The following ITGB5 variants were observed in gnomAD, a reference collection of about 807,000 sequenced individuals.
The protein encoded by ITGB5 is integrin subunit beta 5.
In ITGB5, 38 loss-of-function variants were observed where a neutral mutation model predicts 84.8. That is an observed-to-expected ratio of 0.45 (90% CI 0.35 to 0.59). ITGB5 has a LOEUF of 0.59. Among genes scored for constraint, ITGB5 ranks in the 20% least tolerant of loss-of-function variants. ITGB5 has a pLI of 0.01. For missense variants in ITGB5, 905 were observed against 1,034.5 expected (o/e 0.87, Z 1.72); for synonymous variants, 393 against 414.4 (o/e 0.95, Z 0.63).
intron 8 of ITGB5, among the ~76,000 whole-genome samples, chr3:124,816,136 AAAC>A (rs1158709523): frequency 6.6e-6 from 1 of 152,174 alleles, no homozygotes; most frequent in Non-Finnish European, 1.5e-5. Context: ...AAGGGGGTAA[AAAC>A]AAGCCAAAAA....
At position 124,799,781 on chromosome 3, in the gene ITGB5, G is replaced by T. The variant is rs115620902; in HGVS notation, c.1264-2964C>A. Among the ~76,000 whole-genome samples, 975 of 152,230 alleles carry T rather than the reference G, an allele frequency of 6.4e-3. 2 individuals carry two copies. The highest frequency in any genetic ancestry group is 9.9e-3 in the Non-Finnish European group (673 of 68,010). On this transcript the variant is annotated intron_variant, in intron 9 of 14. Coordinates refer to ENST00000296181, the MANE Select transcript of ITGB5 (RefSeq NM_002213.5). The stretch of plus-strand genomic sequence containing the variant: ...GGGCCAGGCCTAGAGCAGGGCCCGC[G>T]CTCTCCTTAGCATATCCACCTCCTA...
chr3:124,882,426 G>A (rs1034825818), intron 1 of ITGB5, among the ~76,000 whole-genome samples: 4 of 152,198 alleles, frequency 2.6e-5, no homozygotes, highest in African/African-American at 9.7e-5. Context: ...GGAGATGCTA[G>A]AAAAAGGGTT....
chr3:124,847,373 G>A (rs2065091917), intron 4 of ITGB5, among the ~76,000 whole-genome samples: 1 of 152,214 alleles, frequency 6.6e-6, no homozygotes, highest in African/African-American at 2.4e-5. Flanking sequence ...ATGGGCTGAA[G>A]AATGCAATCC....
At chr3:124,863,419 G>C (rs1292861525) in intron 2 of ITGB5, 1 of 152,252 alleles carries the variant, frequency 6.6e-6, no homozygotes, top group African/African-American at 2.4e-5. Flanking sequence ...ATAGGTTCTT[G>C]TTGCCCAAGA....
chr3:124,796,239 G>T, intron 10 of ITGB5, 149 bp downstream of exon 10: 2 of 734,188 alleles, frequency 2.7e-6, no homozygotes, highest in Non-Finnish European at 2.3e-6. Context: ...TCCTGCCTAC[G>T]GGTAGCAAGG....
rs948590924 is a variant in ITGB5, at chr3:124,796,626, G to C, written c.1455C>G (p.Gly485=). The change falls in exon 10 of 15, where the codon GGC becomes GGG. Residue 485 remains glycine, a synonymous_variant. Coordinates refer to ENST00000296181, the MANE Select transcript of ITGB5 (RefSeq NM_002213.5). The stretch of plus-strand genomic sequence containing the variant: ...GGTAGCCGGGGCTGCACTCACACAG[G>C]CCGCAGACATAGGTCCCGCTCCCGT... The part of the protein sequence containing the change: ...RCNGSGTYVC[G]LCECSPGYLG... 6.2e-7 allele frequency: 1 copy of C among 1,613,906 alleles called. No individual in the cohort carries two copies. Among genetic ancestry groups the C allele is most frequent in the African/African-American group, 1.3e-5 (1 of 74,920 alleles).
chr3:124,870,487 G>T (rs1041443767), intron 2 of ITGB5, among the ~76,000 whole-genome samples: 1 of 152,186 alleles, frequency 6.6e-6, no homozygotes, highest in African/African-American at 2.4e-5. Context: ...CCAGCACTTT[G>T]GGAGGCCAAG....
chr3:124,768,455 T>C (rs530041595), intron 12 of ITGB5, among the ~76,000 whole-genome samples: 6 of 152,384 alleles, frequency 3.9e-5, no homozygotes, highest in Non-Finnish European at 7.3e-5. Context: ...ATGTACTTTC[T>C]GTCTCCATGG....
chr3:124,840,321 T>C (rs2107592026), intron 5 of ITGB5, among the ~76,000 whole-genome samples: 1 of 152,356 alleles, frequency 6.6e-6, no homozygotes, highest in East Asian at 1.9e-4. Flanking sequence ...GTATTACCAA[T>C]TATTCACACT....
chr3:124,861,283 T>G (rs771084611), intron 2 of ITGB5, among the ~76,000 whole-genome samples: 1 of 151,844 alleles, frequency 6.6e-6, no homozygotes, highest in Non-Finnish European at 1.5e-5. Context: ...TATAAGTGGC[T>G]CCATAAACAC....
At chr3:124,869,208 G>A (rs2065440151) in intron 2 of ITGB5, among the ~76,000 whole-genome samples, 1 of 152,116 alleles carries the variant, frequency 6.6e-6, no homozygotes, top group African/African-American at 2.4e-5. Context: ...CATCTTTGAT[G>A]ATGTCCTGGG....
At chr3:124,766,427 C>A (rs963089285) in intron 12 of ITGB5, 82 bp from the exon 13 acceptor site, 1 of 1,540,248 alleles carries the variant, frequency 6.5e-7, no homozygotes, top group Non-Finnish European at 8.8e-7. Context: ...GAGCCGAGTG[C>A]CTTGAAAAAG....
At position 124,796,863 on chromosome 3, in the gene ITGB5, G is replaced by A. The variant is rs1193946949; in HGVS notation, c.1264-46C>T. 4 of 1,542,664 alleles carry A rather than the reference G, an allele frequency of 2.6e-6. No individual in the cohort carries two copies. The East Asian group carries it at 6.8e-5, about 26-fold the overall frequency. Reference sequence around the variant, plus strand: ...GGATATCATGGCTGCGGCAAGCCAGGGTCTCCCATTCACCCAGGGGCAGGG... The same window carrying A: ...GGATATCATGGCTGCGGCAAGCCAGAGTCTCCCATTCACCCAGGGGCAGGG... On this transcript the variant is annotated intron_variant, in intron 9 of 14. Coordinates refer to ENST00000296181, the MANE Select transcript of ITGB5 (RefSeq NM_002213.5).
At chr3:124,889,933 A>C (rs1477939884), upstream of ITGB5, among the ~76,000 whole-genome samples, 4 of 152,006 alleles carry the variant, frequency 2.6e-5, no homozygotes, top group African/African-American at 9.7e-5. Context: ...AATCGCTTGA[A>C]TCCAGGAGGT....
chr3:124,865,393 G>T (rs946575545), intron 2 of ITGB5, among the ~76,000 whole-genome samples: 1 of 151,448 alleles, frequency 6.6e-6, no homozygotes, highest in Non-Finnish European at 1.5e-5. Flanking sequence ...TTGATCCCTG[G>T]TCTCCAGAAA....
chr3:124,865,447 A>T (rs886378906), intron 2 of ITGB5, among the ~76,000 whole-genome samples: 2 of 151,406 alleles, frequency 1.3e-5, no homozygotes, highest in African/African-American at 4.9e-5. Flanking sequence ...GCAGAATGGC[A>T]ATAGAAAGTT....
At chr3:124,853,257 A>G (rs1323902966) in intron 3 of ITGB5, among the ~76,000 whole-genome samples, 3 of 152,220 alleles carry the variant, frequency 2.0e-5, no homozygotes, top group Non-Finnish European at 4.4e-5. Flanking sequence ...ACAGAAAATT[A>G]AGGCCCTGGT....
intron 14 of ITGB5, 56 bp from the exon 15 acceptor site, chr3:124,763,774 C>G (rs570480979): frequency 7.8e-6 from 8 of 1,028,602 alleles, no homozygotes; most frequent in South Asian, 5.4e-5. Flanking sequence ...CACACTCAAA[C>G]CGACAGACGC....
chr3:124,840,474 A>G (rs564535812), intron 5 of ITGB5, among the ~76,000 whole-genome samples: 1 of 152,196 alleles, frequency 6.6e-6, no homozygotes, highest in African/African-American at 2.4e-5. Context: ...TCAACAGTAG[A>G]AAATTATTTT....
Sources: allele counts gnomAD v4.1 joint callset (sites outside exome capture counted in the v4.1 genomes callset), GRCh38; gene constraint gnomAD v4.1.1; transcripts MANE v1.5; gene names NCBI Gene and HGNC (gene_info 2026-07-23, HGNC 2026-07-21).